The following HMG20A variants were observed in gnomAD, a reference collection of about 807,000 sequenced individuals.
The protein encoded by HMG20A is high mobility group 20A.
HMG20A carries 17 observed loss-of-function variants against 43.9 expected under a neutral mutation model. The observed-to-expected ratio is 0.39, with a 90% CI of 0.27 to 0.58. The LOEUF (loss-of-function observed/expected upper bound fraction) is 0.58, where lower values mean the gene tolerates loss of function less well. HMG20A is among the 20% of genes least tolerant of loss of function. HMG20A has a pLI of 0.59. For missense variants in HMG20A, 341 were observed against 438.2 expected, an observed-to-expected ratio of 0.78 and a Z score of 1.98; for synonymous variants, 132 against 147.5, an observed-to-expected ratio of 0.89 and a Z score of 0.76.
chr15:77,450,831 TTC>T (rs1414500860), intron 1 of HMG20A, among the ~76,000 whole-genome samples: 1 of 152,160 alleles, frequency 6.6e-6, no homozygotes, highest in African/African-American at 2.4e-5. Flanking sequence ...TGAAGGAGAG[TTC>T]TTGTTCCACA....
At chr15:77,459,066 T>G (rs2072682285) in intron 2 of HMG20A, among the ~76,000 whole-genome samples, 1 of 152,230 alleles carries the variant, frequency 6.6e-6, no homozygotes, top group Non-Finnish European at 1.5e-5. Flanking sequence ...TTCTAGATGT[T>G]TAGAAGTTAT....
At chr15:77,431,845 G>A (rs907061433) in intron 1 of HMG20A, among the ~76,000 whole-genome samples, 4 of 151,694 alleles carry the variant, frequency 2.6e-5, no homozygotes, top group African/African-American at 7.3e-5. Context: ...ACTTCCATGA[G>A]TTCAGGTTTT....
chr15:77,424,927 C>T (rs1029399038), intron 1 of HMG20A, among the ~76,000 whole-genome samples: 1 of 152,016 alleles, frequency 6.6e-6, no homozygotes, highest in Non-Finnish European at 1.5e-5. Context: ...TCACATTATT[C>T]ATCTACACAT....
chr15:77,467,840 G>A (rs550918588), intron 4 of HMG20A, among the ~76,000 whole-genome samples: 20 of 152,242 alleles, frequency 1.3e-4, no homozygotes, highest in Non-Finnish European at 2.6e-4. Flanking sequence ...AAATGAATCC[G>A]TTCATTAGAG....
chr15:77,447,185 T>C (rs1002176557), intron 1 of HMG20A, among the ~76,000 whole-genome samples: 7 of 152,132 alleles, frequency 4.6e-5, no homozygotes, highest in East Asian at 1.9e-4. Flanking sequence ...TTACTAATAA[T>C]AAAAGCAGTG....
chr15:77,440,581 C>A (rs2073600927), intron 1 of HMG20A, among the ~76,000 whole-genome samples: 1 of 152,142 alleles, frequency 6.6e-6, no homozygotes, highest in Admixed American at 6.5e-5. Flanking sequence ...AGTGAGTCAA[C>A]ATGGGGCTAT....
chr15:77,464,987 T>C (rs1449992404), intron 3 of HMG20A, among the ~76,000 whole-genome samples: 4 of 151,912 alleles, frequency 2.6e-5, no homozygotes, highest in Non-Finnish European at 5.9e-5. Context: ...TGGCCGGGCA[T>C]GGTAGCTCAT....
intron 1 of HMG20A, among the ~76,000 whole-genome samples, chr15:77,446,481 C>T (rs1190947573): frequency 6.6e-6 from 1 of 151,864 alleles, no homozygotes; most frequent in Non-Finnish European, 1.5e-5. Flanking sequence ...TCTGATATAC[C>T]CTGCATGTGA....
chr15:77,463,165 G>A (rs34023254), intron 2 of HMG20A, among the ~76,000 whole-genome samples: 11,555 of 152,124 alleles, frequency 0.076, 580 homozygotes, highest in Non-Finnish European at 0.1. Context: ...CCTCTTGATA[G>A]TCTCCCTTTC....
At chr15:77,453,268 AG>A (rs1567398556) in intron 1 of HMG20A, among the ~76,000 whole-genome samples, 1 of 152,228 alleles carries the variant, frequency 6.6e-6, no homozygotes, top group Non-Finnish European at 1.5e-5. Flanking sequence ...AATTTGAAAT[AG>A]GATTTGAGTA....
At chr15:77,489,637 T>C (rs1321730296), downstream of HMG20A, among the ~76,000 whole-genome samples, 1 of 152,138 alleles carries the variant, frequency 6.6e-6, no homozygotes, top group Non-Finnish European at 1.5e-5. Context: ...ATTACCTAGA[T>C]AAGAAGAAAT....
At position 77,471,045 on chromosome 15, in the gene HMG20A, A is replaced by G; in HGVS notation, c.583+3A>G. The stretch of plus-strand genomic sequence containing the variant: ...GAAAGGCAAATCTCATAGGCAAGGT[A>G]TCAAAACCAGAACCAAATGTATTTG... On this transcript the variant is annotated splice_donor_region_variant and intron_variant, in intron 5 of 9. Transcript: ENST00000336216. 2 of 1,608,508 alleles carry G rather than the reference A, an allele frequency of 1.2e-6. No individual in the cohort carries two copies. Among genetic ancestry groups the G allele is most frequent in the Non-Finnish European group, 8.5e-7 (1 of 1,178,500 alleles).
downstream of HMG20A, among the ~76,000 whole-genome samples, chr15:77,489,917 G>T (rs146369660): frequency 5.7e-4 from 86 of 151,640 alleles, no homozygotes; most frequent in East Asian, 0.016. Context: ...TTTGCAGTTT[G>T]TCATAAGTGT....
chr15:77,516,836 C>T, the HMG20A span, among the ~76,000 whole-genome samples: 8 of 152,150 alleles, frequency 5.3e-5, 1 homozygote, highest in East Asian at 3.9e-4. Flanking sequence ...TGAGACACAA[C>T]GGGCAGCTGA....
At chr15:77,458,553 A>C in intron 2 of HMG20A, 57 bp downstream of exon 2, 1 of 1,191,232 alleles carries the variant, frequency 8.4e-7, no homozygotes, top group Non-Finnish European at 1.2e-6. Flanking sequence ...CAAAGCTTCT[A>C]GCAAAGTAAG....
the HMG20A span, among the ~76,000 whole-genome samples, chr15:77,495,080 T>A: frequency 6.6e-6 from 1 of 152,202 alleles, no homozygotes; most frequent in Admixed American, 6.5e-5. Context: ...CCCAATCCAG[T>A]CTGCTTAGGT....
At position 77,456,161 on chromosome 15, in the gene HMG20A, T is replaced by C. The variant is rs2072652272; in HGVS notation, c.-4-2243T>C. On this transcript the variant is annotated intron_variant, in intron 1 of 9. Coordinates refer to ENST00000336216, the MANE Select transcript of HMG20A (RefSeq NM_001304504.2). ...GTTTATATGATCTGTTTATATGTTG[T>C]TAAGGTTATGTTATCCAGCTGCCTC... 2.0e-5 allele frequency among the ~76,000 whole-genome samples: 3 copies of C among 152,202 alleles called. 1 individual carries two copies. The highest frequency in any genetic ancestry group is 4.4e-5 in the Non-Finnish European group (3 of 68,040).
chr15:77,491,027 C>T, the HMG20A span, among the ~76,000 whole-genome samples: 8 of 152,206 alleles, frequency 5.3e-5, no homozygotes, highest in Non-Finnish European at 7.3e-5. Flanking sequence ...TAATTCTTGA[C>T]GCTTCTTAGG....
chr15:77,432,126 T>C (rs2073491517), intron 1 of HMG20A, among the ~76,000 whole-genome samples: 1 of 152,254 alleles, frequency 6.6e-6, no homozygotes. Flanking sequence ...AGTGATTTCA[T>C]TTCCCTTGGA....
Sources: allele counts gnomAD v4.1 joint callset (sites outside exome capture counted in the v4.1 genomes callset), GRCh38; gene constraint gnomAD v4.1.1; transcripts MANE v1.5; gene names NCBI Gene and HGNC (gene_info 2026-07-23, HGNC 2026-07-21).